WDR12: variants seen among roughly 807,000 people sequenced by gnomAD.
The protein encoded by WDR12 is WD repeat domain 12.
WDR12 carries 42 observed loss-of-function variants against 64.3 expected under a neutral mutation model. That is an observed-to-expected ratio of 0.65 (90% CI 0.51 to 0.84). WDR12 has a LOEUF of 0.84. Ranked by LOEUF, WDR12 falls within the 40% of genes least tolerant of loss-of-function variation. The probability of loss-of-function intolerance (pLI) is 0.00; values close to 1 mark genes in which losing one functional copy is unlikely to be tolerated. For missense variants in WDR12, 469 were observed against 494.6 expected, an observed-to-expected ratio of 0.95 and a Z score of 0.49; for synonymous variants, 158 against 173.3, an observed-to-expected ratio of 0.91 and a Z score of 0.70.
chr2:202,884,030 C>T (rs1011182273), intron 10 of WDR12, 168 bp downstream of exon 10: 5 of 689,832 alleles, frequency 7.2e-6, no homozygotes, highest in African/African-American at 3.6e-5. Flanking sequence ...CCAGGCTGAT[C>T]TCCAACTCCT....
At chr2:202,892,206 G>A (rs978599468) in intron 8 of WDR12, among the ~76,000 whole-genome samples, 2 of 152,096 alleles carry the variant, frequency 1.3e-5, no homozygotes, top group Admixed American at 1.3e-4. Flanking sequence ...TAAACTCTTG[G>A]TTTCTAGTGA....
chr2:202,880,251 T>A lies in WDR12; in HGVS notation c.*609A>T, dbSNP rs565095920. 6.6e-6 allele frequency: 1 copy of A among 152,226 alleles called. No individual in the cohort carries two copies. Among genetic ancestry groups the A allele is most frequent in the East Asian group, 1.9e-4 (1 of 5,186 alleles). The allele number at this position is 152,226 out of a possible 1,614,324, so 9.4% of individuals were successfully genotyped here. ...CAATTACTGGATTTCCAATATAACC[T>A]TTTACAGCATTTCAAAAACAAATCT... On this transcript the variant is annotated 3_prime_UTR_variant, in exon 13 of 13. Transcript: ENST00000261015.
chr2:202,893,992 ACTTC>A (rs1688197466), intron 7 of WDR12, among the ~76,000 whole-genome samples: 1 of 152,192 alleles, frequency 6.6e-6, no homozygotes, highest in Non-Finnish European at 1.5e-5. Flanking sequence ...ATTTTTATTT[ACTTC>A]CAAGTTTCCT....
chr2:202,902,137 T>C (rs1317347326), intron 2 of WDR12, among the ~76,000 whole-genome samples: 1 of 152,170 alleles, frequency 6.6e-6, no homozygotes. Context: ...GTTCGGTCTA[T>C]ATGTTTAGAA....
At chr2:202,903,441 T>A in intron 2 of WDR12, among the ~76,000 whole-genome samples, 1 of 116,248 alleles carries the variant, frequency 8.6e-6, no homozygotes, top group African/African-American at 3.6e-5. Context: ...GCTAGAGCAA[T>A]CAGATGGAAG....
rs370029428 is a variant in WDR12 at position 202,900,841 on chromosome 2, C to CTA, written c.231+182_231+183dup. ...ATATACATATATATATACACACACA[C>CTA]TATATATATTCAATACACACATAAA... On this transcript the variant is annotated intron_variant, in intron 3 of 12. Coordinates refer to ENST00000261015, the MANE Select transcript of WDR12 (RefSeq NM_018256.4). Among the ~76,000 whole-genome samples, 20 of 151,652 alleles carry CTA rather than the reference C, an allele frequency of 1.3e-4. No individual in the cohort carries two copies. In the East Asian group the frequency reaches 2.5e-3, roughly 19 times the overall value.
chr2:202,903,998 C>T (rs1361474632), intron 2 of WDR12, among the ~76,000 whole-genome samples: 1 of 151,356 alleles, frequency 6.6e-6, no homozygotes, highest in Non-Finnish European at 1.5e-5. Context: ...ATTAGCTGGG[C>T]GTGGTGGCAG....
intron 6 of WDR12, among the ~76,000 whole-genome samples, chr2:202,895,805 C>T (rs1688231382): frequency 6.6e-6 from 1 of 151,504 alleles, no homozygotes; most frequent in African/African-American, 2.4e-5. Context: ...GCTGGGATTA[C>T]AGGCGTGAGC....
At chr2:202,893,526 G>A (rs575424216) in intron 7 of WDR12, among the ~76,000 whole-genome samples, 2 of 152,124 alleles carry the variant, frequency 1.3e-5, no homozygotes, top group African/African-American at 2.4e-5. Flanking sequence ...CTACTAAAAC[G>A]GATTATATAT....
chr2:202,899,989 T>G (rs1373034454), intron 3 of WDR12, among the ~76,000 whole-genome samples: 3 of 152,018 alleles, frequency 2.0e-5, no homozygotes, highest in Non-Finnish European at 4.4e-5. Flanking sequence ...GAAGAAATAT[T>G]AATCGCCTTG....
chr2:202,907,344 G>A (rs573412888), intron 2 of WDR12, among the ~76,000 whole-genome samples: 1 of 152,084 alleles, frequency 6.6e-6, no homozygotes, highest in South Asian at 2.1e-4. Context: ...TTTAATATTT[G>A]TATCTTTTAA....
chr2:202,902,825 G>A (rs1688373340), intron 2 of WDR12, among the ~76,000 whole-genome samples: 1 of 152,108 alleles, frequency 6.6e-6, no homozygotes, highest in South Asian at 2.1e-4. Context: ...TCGGCTGTGC[G>A]CAGTGGCTCA....
chr2:202,896,014 C>G, intron 6 of WDR12, 51 bp downstream of exon 6: 1 of 1,577,534 alleles, frequency 6.3e-7, no homozygotes, highest in Non-Finnish European at 8.6e-7. Flanking sequence ...TGTTTAGCAA[C>G]AAGCTCAAAT....
intron 8 of WDR12, among the ~76,000 whole-genome samples, chr2:202,885,403 G>A (rs1688027872): frequency 6.6e-6 from 1 of 152,128 alleles, no homozygotes; most frequent in African/African-American, 2.4e-5. Context: ...TCTATTCCTG[G>A]TGCCTGGCAT....
intron 8 of WDR12, 50 bp downstream of exon 8, chr2:202,892,567 T>C: frequency 7.8e-7 from 1 of 1,289,910 alleles, no homozygotes; most frequent in Non-Finnish European, 1.1e-6. Flanking sequence ...TACCATCTAT[T>C]TGTCAACACA....
Position 202,892,640 on chromosome 2 carries a change from T to C in WDR12, c.718A>G (p.Thr240Ala), listed in dbSNP as rs1688174342. 1.2e-6 allele frequency: 2 copies of C among 1,613,324 alleles called. No homozygotes were observed. The highest frequency in any genetic ancestry group is 2.2e-5 in the East Asian group (1 of 44,780). The change falls in exon 8 of 13, where the codon ACA (threonine) becomes GCA (alanine). Residue 240 changes from threonine to alanine, a missense_variant. Transcript: ENST00000261015. ...STNRPRKKQK[T>A]EQLGLTRTPI... ...ACCCTTGTTAGTCCCAACTGTTCTG[T>C]CTTCTGTTTCTTTCTTGGTCGATTT...
rs1332470816 is a variant in WDR12, at chr2:202,874,828, G to C, written c.*6032C>G. Reference sequence around the variant, plus strand: ...GTTTATTCAAGCAAAGCTAGAAACAGTATTAGAATTAGACACAATTCTAGA... The same window carrying C: ...GTTTATTCAAGCAAAGCTAGAAACACTATTAGAATTAGACACAATTCTAGA... On this transcript the variant is annotated 3_prime_UTR_variant, in exon 13 of 13. Transcript: ENST00000261015. 7.2e-5 allele frequency: 11 copies of C among 152,184 alleles called. No homozygotes were observed. Among genetic ancestry groups the C allele is most frequent in the Non-Finnish European group, 5.9e-5 (4 of 68,040 alleles). The allele number at this position is 152,184 out of a possible 1,614,324, so 9.4% of individuals were successfully genotyped here.
chr2:202,907,444 T>C (rs1227207921), intron 2 of WDR12, among the ~76,000 whole-genome samples: 1 of 152,234 alleles, frequency 6.6e-6, no homozygotes, highest in Admixed American at 6.5e-5. Context: ...ACTGTCATTT[T>C]GATATTACAC....
At chr2:202,883,958 A>G (rs575906855) in intron 10 of WDR12, among the ~76,000 whole-genome samples, 2 of 152,204 alleles carry the variant, frequency 1.3e-5, no homozygotes, top group Non-Finnish European at 2.9e-5. Flanking sequence ...GATTACAGGC[A>G]CGCGCCACCA....
Sources: allele counts gnomAD v4.1 joint callset (sites outside exome capture counted in the v4.1 genomes callset), GRCh38; gene constraint gnomAD v4.1.1; transcripts MANE v1.5; gene names NCBI Gene and HGNC (gene_info 2026-07-23, HGNC 2026-07-21).